PRR12: variants seen among roughly 807,000 people sequenced by gnomAD.
PRR12 encodes the protein proline rich 12.
PRR12 carries 12 observed loss-of-function variants against 138.0 expected under a neutral mutation model. The observed-to-expected ratio is 0.09, with a 90% CI of 0.06 to 0.14. The LOEUF is 0.14. Ranked by LOEUF, PRR12 falls within the 10% of genes least tolerant of loss-of-function variation. The pLI is 1.00. For missense variants in PRR12, 2,692 were observed against 2,861.3 expected, an observed-to-expected ratio of 0.94 and a Z score of 1.35; for synonymous variants, 1,567 against 1,291.7, an observed-to-expected ratio of 1.21 and a Z score of -4.57.
At chr19:49,602,028 C>A in intron 6 of PRR12, 110 bp downstream of exon 6, 1 of 1,371,674 alleles carries the variant, frequency 7.3e-7, no homozygotes, top group Non-Finnish European at 9.9e-7. Flanking sequence ...CAGTCGTGGC[C>A]GGGCCGCCCT....
Position 49,596,212 on chromosome 19 carries a change from C to G in PRR12, c.1877C>G (p.Ala626Gly). 6.2e-7 allele frequency: 1 copy of G among 1,610,696 alleles called. No individual in the cohort carries two copies. The highest frequency in any genetic ancestry group is 8.5e-7 in the Non-Finnish European group (1 of 1,179,706). ...AAGGGGGATGGCTCGGAGCTGCTGG[C>G]GGGCCCAGGTGGGCCTCCTGCGGAG... ...KGKGDGSELL[A>G]GPGGPPAERT... Residue 626 changes from alanine (A) to glycine (G), a missense_variant, in exon 4 of 14, where the codon GCG (alanine) becomes GGG (glycine). Ala to Gly is a moderately conservative substitution (Grantham distance 60, BLOSUM62 0). Around this residue, in one of 11 missense-constraint regions of PRR12, gnomAD observed 840 missense variants for 689.8 expected, o/e 1.22. Coordinates refer to ENST00000418929, the MANE Select transcript of PRR12 (RefSeq NM_020719.3). This position sits in a 1 kb window ranked among gnomAD's most constrained non-coding sequence, Gnocchi z 5.6.
chr19:49,611,122 A>G (rs1314755885), intron 6 of PRR12, among the ~76,000 whole-genome samples: 1 of 150,318 alleles, frequency 6.7e-6, no homozygotes, highest in African/African-American at 2.4e-5. Flanking sequence ...GATTACAGGC[A>G]TGAGCCACTG....
intron 6 of PRR12, among the ~76,000 whole-genome samples, chr19:49,603,012 C>T (rs1396260724): frequency 1.3e-5 from 2 of 152,268 alleles, no homozygotes; most frequent in Admixed American, 6.5e-5. Context: ...TTTATTGGCA[C>T]ACAACCATGC....
chr19:49,611,951 G>A (rs2080868845), intron 6 of PRR12, among the ~76,000 whole-genome samples: 1 of 143,372 alleles, frequency 7.0e-6, no homozygotes, highest in Non-Finnish European at 1.5e-5. Context: ...AAAAAAAACA[G>A]GCCGGGCACA....
At chr19:49,592,184 C>A (rs1297606512) in intron 1 of PRR12, among the ~76,000 whole-genome samples, 1 of 152,176 alleles carries the variant, frequency 6.6e-6, no homozygotes, top group Non-Finnish European at 1.5e-5. Flanking sequence ...TGTTCCGGGA[C>A]TGTGCGAGGC....
In PRR12 at chr19:49,594,641, G is replaced by A; in HGVS notation, c.361+26G>A. The A allele has an allele frequency of 6.2e-7, 1 of 1,611,124 alleles. No individual in the cohort carries two copies. Among genetic ancestry groups the A allele is most frequent in the Non-Finnish European group, 8.5e-7 (1 of 1,179,452 alleles). On this transcript the variant is annotated intron_variant, in intron 3 of 13. Transcript: ENST00000418929. The surrounding 1 kb of genome is among the most constrained non-coding windows in gnomAD (Gnocchi z 5.6). ...GTAAGCCCAGCGCCGGCCCTGCAGG[G>A]CCAGGGTGGGACTGGCTCGCTGTTC...
rs373768400 is a variant in PRR12 at position 49,595,723 on chromosome 19, G to C, written c.1388G>C (p.Gly463Ala). Residue 463 changes from glycine (G) to alanine (A), a missense_variant, in exon 4 of 14, where the codon GGG (glycine) becomes GCG (alanine). Gly to Ala is a moderately conservative substitution (Grantham distance 60). This residue lies in a region of PRR12 where 523 missense variants were observed against 496.4 expected (regional missense o/e 1.05). Coordinates refer to ENST00000418929, the MANE Select transcript of PRR12 (RefSeq NM_020719.3). ...GPQAYGQGFG[G>A]GQAQDLSKAP... ...CAGGCCTACGGGCAAGGGTTTGGAG[G>C]GGGGCAGGCACAGGACTTGAGCAAA... 368 of 1,591,904 alleles carry C rather than the reference G, an allele frequency of 2.3e-4. No homozygotes were observed. Among genetic ancestry groups the C allele is most frequent in the Middle Eastern group, 3.4e-4 (2 of 5,926 alleles).
chr19:49,600,926 T>C (rs552160076), intron 5 of PRR12, among the ~76,000 whole-genome samples: 9 of 152,064 alleles, frequency 5.9e-5, no homozygotes, highest in Admixed American at 1.3e-4. Flanking sequence ...GGTTTCACCA[T>C]GTTGGCCAGA....
chr19:49,591,549 G>A lies in PRR12; in HGVS notation c.-106G>A. 1.9e-5 allele frequency: 12 copies of A among 648,556 alleles called. No homozygotes were observed. The highest frequency in any genetic ancestry group is 3.1e-5 in the South Asian group (1 of 32,760). The allele number at this position is 648,556 out of a possible 1,614,324, so 40.2% of individuals were successfully genotyped here. The stretch of plus-strand genomic sequence containing the variant: ...AAAAAAAGAGAGAGAGAAAAGGGGG[G>A]AAAAAAAAGCAGCAGCGGAGGGAGC... On this transcript the variant is annotated 5_prime_UTR_variant, in exon 1 of 14. Coordinates refer to ENST00000418929, the MANE Select transcript of PRR12 (RefSeq NM_020719.3).
chr19:49,591,763 G>T lies in PRR12; in HGVS notation c.86+23G>T, dbSNP rs539766191. 2.1e-6 allele frequency: 3 copies of T among 1,413,440 alleles called. No homozygotes were observed. The South Asian group carries it at 4.3e-5, about 20-fold the overall frequency. 87.6% of individuals were successfully genotyped at this position (1,413,440 alleles called of 1,614,324 possible). On this transcript the variant is annotated intron_variant, in intron 1 of 13. Coordinates refer to ENST00000418929, the MANE Select transcript of PRR12 (RefSeq NM_020719.3). ...TAGGTAAGGAGCTGAGGGTGGCCTA[G>T]AGAAGGGGGCCAAGGGGTGGGAGCC... is the stretch of plus-strand genomic sequence containing the variant.
At chr19:49,605,754 G>A (rs1178433614) in intron 6 of PRR12, among the ~76,000 whole-genome samples, 1 of 152,256 alleles carries the variant, frequency 6.6e-6, no homozygotes, top group African/African-American at 2.4e-5. Context: ...TGGGATTGGA[G>A]CCAGGGCCAC....
chr19:49,609,805 C>A (rs1329273848), intron 6 of PRR12, among the ~76,000 whole-genome samples: 2 of 151,986 alleles, frequency 1.3e-5, no homozygotes, highest in Non-Finnish European at 2.9e-5. Flanking sequence ...GACTTGGGTG[C>A]AGGGGTGAGT....
At chr19:49,605,789 G>A (rs2080835228) in intron 6 of PRR12, among the ~76,000 whole-genome samples, 1 of 152,278 alleles carries the variant, frequency 6.6e-6, no homozygotes, top group Non-Finnish European at 1.5e-5. Context: ...CAGCTGGCAC[G>A]GGGCAGGGGA....
Position 49,596,860 on chromosome 19 carries a change from C to T in PRR12, c.2525C>T (p.Pro842Leu), listed in dbSNP as rs755429267. 2.5e-6 allele frequency: 4 copies of T among 1,574,930 alleles called. No individual in the cohort carries two copies. The highest frequency in any genetic ancestry group is 1.8e-5 in the Admixed American group (1 of 57,048). Residue 842 changes from proline (P) to leucine (L), a missense_variant, in exon 4 of 14, where the codon CCT becomes CTT. Transcript: ENST00000418929. This position sits in a 1 kb window ranked among gnomAD's most constrained non-coding sequence, Gnocchi z 5.6. ...CAGCCACCTCCACCGCCACCCCCGC[C>T]TCCACCACCCATGCCCCTGCAGCTC... ...APQPPPPPPP[P>L]PPPMPLQLEA...
chr19:49,597,257 C>G lies in PRR12; in HGVS notation c.2922C>G (p.Pro974=), dbSNP rs545350512. 20 of 1,573,196 alleles carry G rather than the reference C, an allele frequency of 1.3e-5. No homozygotes were observed. The highest frequency in any genetic ancestry group is 5.5e-5 in the Admixed American group (3 of 54,572). ...KAGPPEDEGD[P]KAGAGPPPGP... is the part of the protein sequence containing the mutation. ...GGCCACCTGAGGACGAGGGGGACCC[C>G]AAGGCTGGCGCTGGGCCACCCCCCG... Residue 974 remains proline, a synonymous_variant, in exon 4 of 14, where the codon CCC becomes CCG. Coordinates refer to ENST00000418929, the MANE Select transcript of PRR12 (RefSeq NM_020719.3). The surrounding 1 kb of genome is among the most constrained non-coding windows in gnomAD (Gnocchi z 6.3).
Position 49,601,690 on chromosome 19 carries a change from A to ACCC in PRR12, c.4548_4550dup (p.Pro1518dup). 6.5e-7 allele frequency: 1 copy of ACCC among 1,530,102 alleles called. No individual in the cohort carries two copies. Among genetic ancestry groups the ACCC allele is most frequent in the Non-Finnish European group, 8.7e-7 (1 of 1,143,630 alleles). The allele number at this position is 1,530,102 out of a possible 1,614,324, so 94.8% of individuals were successfully genotyped here. On this transcript the variant is annotated inframe_insertion, in exon 6 of 14. Coordinates refer to ENST00000418929, the MANE Select transcript of PRR12 (RefSeq NM_020719.3). The stretch of plus-strand genomic sequence containing the variant: ...CAGCCATGCCCTCGCCTCCACCACC[A>ACCC]CCCCCACCAGCCGCTGCCCCACTGG...
chr19:49,614,361 T>A lies in PRR12; in HGVS notation c.4774-172T>A, dbSNP rs1241143927. 6.6e-6 allele frequency among the ~76,000 whole-genome samples: 1 copy of A among 152,138 alleles called. No individual in the cohort carries two copies. The highest frequency in any genetic ancestry group is 1.5e-5 in the Non-Finnish European group (1 of 68,022). ...TGGGCAGGAGGCGACAGGGTCAAGT[T>A]CAAGCTGTACACAGAGCTGAACACA... On this transcript the variant is annotated intron_variant, in intron 6 of 13. Coordinates refer to ENST00000418929, the MANE Select transcript of PRR12 (RefSeq NM_020719.3). This position sits in a 1 kb window ranked among gnomAD's most constrained non-coding sequence, Gnocchi z 5.0.
intron 9 of PRR12, among the ~76,000 whole-genome samples, chr19:49,619,223 A>AG (rs1488390795): frequency 3.7e-5 from 4 of 107,054 alleles, no homozygotes; most frequent in Non-Finnish European, 7.3e-5. Context: ...GCCTCCTGTG[A>AG]GTTTTTTTTT....
At chr19:49,613,683 C>T (rs767951772) in intron 6 of PRR12, among the ~76,000 whole-genome samples, 2 of 152,194 alleles carry the variant, frequency 1.3e-5, no homozygotes, top group Non-Finnish European at 2.9e-5. Context: ...TGGCACAGGC[C>T]ACAAACTCAC....
Sources: gnomAD v4.1 joint callset for allele counts (sites outside exome capture counted in the v4.1 genomes callset) on GRCh38, gnomAD v4.1.1 for gene constraint, gnomAD v4.1.1 regional missense constraint, Gnocchi (gnomAD v3.1) non-coding constraint, MANE v1.5 for transcripts, NCBI Gene and HGNC (gene_info 2026-07-23, HGNC 2026-07-21) for gene names.